The following TRAPPC9 variants were observed in gnomAD, a reference collection of about 807,000 sequenced individuals.
TRAPPC9 encodes trafficking protein particle complex subunit 9.
In TRAPPC9, 83 loss-of-function variants were observed where a neutral mutation model predicts 124.0. That is an observed-to-expected ratio of 0.67 (90% CI 0.56 to 0.80). The LOEUF (loss-of-function observed/expected upper bound fraction) is 0.80, where lower values mean the gene tolerates loss of function less well. Among genes scored for constraint, TRAPPC9 ranks in the 30% least tolerant of loss-of-function variants. TRAPPC9 has a pLI of 0.00. For synonymous variants in TRAPPC9, 638 were observed against 617.5 expected, an observed-to-expected ratio of 1.03 and a Z score of -0.49; for missense variants, 1,302 against 1,508.3, an observed-to-expected ratio of 0.86 and a Z score of 2.27.
At position 139,761,323 on chromosome 8, in the gene TRAPPC9, G is replaced by A. The variant is rs142363210; in HGVS notation, c.3056-29121C>T. On this transcript the variant is annotated intron_variant, in intron 21 of 22. Coordinates refer to ENST00000438773, the MANE Select transcript of TRAPPC9 (RefSeq NM_001160372.4). ...GACCCACCTGCCACATTAGATCGAC[G>A]TCTGAATCTTCAGAAGTTACCAATC... Among the ~76,000 whole-genome samples the A allele has an allele frequency of 6.8e-3, 1,031 of 152,290 alleles. 16 individuals carry two copies. The highest frequency in any genetic ancestry group is 0.024 in the African/African-American group (994 of 41,552).
intron 19 of TRAPPC9, among the ~76,000 whole-genome samples, chr8:139,980,887 C>G (rs919427823): frequency 1.3e-5 from 2 of 152,158 alleles, no homozygotes; most frequent in Non-Finnish European, 2.9e-5. Context: ...CAGAAGCCAC[C>G]CACGGACAAC....
intron 16 of TRAPPC9, among the ~76,000 whole-genome samples, chr8:140,235,118 C>A (rs2063702053): frequency 6.6e-6 from 1 of 152,158 alleles, no homozygotes; most frequent in South Asian, 2.1e-4. Context: ...ATTACAAGCG[C>A]CTGCCACCAT....
intron 17 of TRAPPC9, among the ~76,000 whole-genome samples, chr8:140,156,197 G>A (rs185554766): frequency 3.5e-4 from 54 of 152,320 alleles, no homozygotes; most frequent in Middle Eastern, 3.4e-3. Flanking sequence ...CACCTGCTTC[G>A]TGTAGCCTAT....
intron 9 of TRAPPC9, among the ~76,000 whole-genome samples, chr8:140,313,825 T>G (rs2066374137): frequency 6.6e-6 from 1 of 152,152 alleles, no homozygotes. Context: ...CGTGTGGTGC[T>G]CCTGCTAGGG....
chr8:139,961,439 C>T (rs1835367503), intron 19 of TRAPPC9, among the ~76,000 whole-genome samples: 2 of 123,526 alleles, frequency 1.6e-5, no homozygotes, highest in African/African-American at 5.1e-5. Context: ...AGCTGCAGAC[C>T]CAGGCCTCCT....
chr8:139,931,465 GA>G (rs1833137425), intron 19 of TRAPPC9: 1 of 152,182 alleles, frequency 6.6e-6, no homozygotes, highest in Non-Finnish European at 1.5e-5. Flanking sequence ...GTGCCCACTG[GA>G]ACCCTGTCTG....
At chr8:140,333,004 T>C (rs2066934512) in intron 9 of TRAPPC9, among the ~76,000 whole-genome samples, 1 of 151,992 alleles carries the variant, frequency 6.6e-6, no homozygotes, top group South Asian at 2.1e-4. Flanking sequence ...CACATGCCAG[T>C]AGTCCCAGCT....
intron 16 of TRAPPC9, among the ~76,000 whole-genome samples, chr8:140,248,999 CT>C (rs2064054552): frequency 6.7e-6 from 1 of 150,030 alleles, no homozygotes; most frequent in Admixed American, 6.7e-5. Flanking sequence ...AGATCTATAT[CT>C]CTTTATCTAA....
chr8:140,167,590 A>C (rs932573607), intron 17 of TRAPPC9, among the ~76,000 whole-genome samples: 6 of 152,200 alleles, frequency 3.9e-5, no homozygotes, highest in Non-Finnish European at 8.8e-5. Context: ...AGACAGCTTC[A>C]CCTTTAGACA....
chr8:140,383,096 G>A (rs2068657239), intron 7 of TRAPPC9, among the ~76,000 whole-genome samples: 1 of 152,256 alleles, frequency 6.6e-6, no homozygotes, highest in South Asian at 2.1e-4. Flanking sequence ...ACCTGCAGCT[G>A]AGGGTCCTGA....
At chr8:139,960,468 G>GCCACCCC (rs1747094333) in intron 19 of TRAPPC9, among the ~76,000 whole-genome samples, 1 of 152,108 alleles carries the variant, frequency 6.6e-6, no homozygotes, top group Non-Finnish European at 1.5e-5. Flanking sequence ...CCCTCCTTGG[G>GCCACCCC]TTCTCCCGCC....
intron 15 of TRAPPC9, among the ~76,000 whole-genome samples, chr8:140,255,161 A>G (rs2064220782): frequency 6.6e-6 from 1 of 152,216 alleles, no homozygotes; most frequent in Non-Finnish European, 1.5e-5. Context: ...ACTAACACAG[A>G]GAGACAGATC....
chr8:139,792,127 T>C (rs1389205643), intron 21 of TRAPPC9, among the ~76,000 whole-genome samples: 3 of 152,188 alleles, frequency 2.0e-5, no homozygotes, highest in African/African-American at 7.2e-5. Flanking sequence ...AGGCCTGTGC[T>C]GGTACAGAGG....
intron 17 of TRAPPC9, among the ~76,000 whole-genome samples, chr8:140,147,095 T>C (rs1229567517): frequency 6.6e-6 from 1 of 152,204 alleles, no homozygotes; most frequent in Non-Finnish European, 1.5e-5. Flanking sequence ...CTCCTCTCAT[T>C]TTCCAGTTTC....
chr8:139,781,338 A>C lies in TRAPPC9; in HGVS notation c.3056-49136T>G, dbSNP rs563142006. 9.8e-5 allele frequency among the ~76,000 whole-genome samples: 15 copies of C among 152,384 alleles called. No homozygotes were observed. The East Asian group carries it at 2.9e-3, about 29-fold the overall frequency. ...TAGCACCAAAAAGAAATGAGCTATC[A>C]AGCCATGAAAAAATATGAAGGAAAC... is the stretch of plus-strand genomic sequence containing the variant. On this transcript the variant is annotated intron_variant, in intron 21 of 22. Coordinates refer to ENST00000438773, the MANE Select transcript of TRAPPC9 (RefSeq NM_001160372.4).
chr8:140,310,069 AT>A (rs1265221993), intron 10 of TRAPPC9, among the ~76,000 whole-genome samples: 1 of 152,224 alleles, frequency 6.6e-6, no homozygotes, highest in African/African-American at 2.4e-5. Context: ...AAACCATTTC[AT>A]TTGGCAGTAC....
At chr8:140,247,018 C>T (rs2064004330) in intron 16 of TRAPPC9, among the ~76,000 whole-genome samples, 2 of 152,156 alleles carry the variant, frequency 1.3e-5, no homozygotes, top group South Asian at 4.1e-4. Context: ...TATGACTTCC[C>T]ATGCTCCCCC....
intron 17 of TRAPPC9, among the ~76,000 whole-genome samples, chr8:140,066,773 T>A (rs191075407): frequency 4.8e-4 from 73 of 152,220 alleles, no homozygotes; most frequent in Non-Finnish European, 5.0e-4. Context: ...GAGACAGAGA[T>A]CAAAGATACC....
At chr8:140,219,290 ATTGCCCC>A (rs2063276920) in intron 17 of TRAPPC9, among the ~76,000 whole-genome samples, 1 of 152,204 alleles carries the variant, frequency 6.6e-6, no homozygotes. Context: ...CGGAGCCTGA[ATTGCCCC>A]AGAATCACAC....
Sources: gnomAD v4.1 joint callset for allele counts (sites outside exome capture counted in the v4.1 genomes callset) on GRCh38, gnomAD v4.1.1 for gene constraint, MANE v1.5 for transcripts, NCBI Gene and HGNC (gene_info 2026-07-23, HGNC 2026-07-21) for gene names.